Variants in ABAT observed in about 807,000 individuals in gnomAD.
ABAT encodes the protein 4-aminobutyrate aminotransferase, also known as 4-aminobutyrate aminotransferase, mitochondrial.
A neutral mutation model predicts 64.6 loss-of-function variants in ABAT; 45 were observed. That is an observed-to-expected ratio of 0.70 (90% confidence interval 0.55 to 0.89). The LOEUF is 0.89. Among genes scored for constraint, ABAT ranks in the 40% least tolerant of loss-of-function variants. The pLI is 0.00. For synonymous variants in ABAT, 297 were observed against 250.5 expected (o/e 1.19, Z -1.75); for missense variants, 633 against 658.4 (o/e 0.96, Z 0.42).
intron 1 of ABAT, among the ~76,000 whole-genome samples, chr16:8,724,775 G>T (rs1270583821): frequency 3.5e-5 from 5 of 142,948 alleles, no homozygotes; most frequent in African/African-American, 1.3e-4. Context: ...AAAAACAATG[G>T]CAATCTTGGG....
At chr16:8,760,961 C>T (rs2059778170) in intron 6 of ABAT, among the ~76,000 whole-genome samples, 1 of 152,108 alleles carries the variant, frequency 6.6e-6, no homozygotes, top group South Asian at 2.1e-4. Flanking sequence ...TACCTGTAGT[C>T]CCAGCTACTC....
At chr16:8,694,418 C>T (rs1273179116) in intron 1 of ABAT, among the ~76,000 whole-genome samples, 1 of 151,998 alleles carries the variant, frequency 6.6e-6, no homozygotes, top group Non-Finnish European at 1.5e-5. Flanking sequence ...GAGACAGGGT[C>T]TTGCTCTGTC....
At chr16:8,769,998 G>A (rs1293521403) in intron 11 of ABAT, among the ~76,000 whole-genome samples, 1 of 152,094 alleles carries the variant, frequency 6.6e-6, no homozygotes, top group African/African-American at 2.4e-5. Flanking sequence ...GAAAAGACAA[G>A]ATAATGGCAT....
chr16:8,776,982 G>A lies in ABAT; in HGVS notation c.1269+492G>A, dbSNP rs188876844. Among the ~76,000 whole-genome samples, 195 of 152,138 alleles carry A rather than the reference G, an allele frequency of 1.3e-3. 9 individuals are homozygous for A. In the South Asian group the frequency reaches 0.038, roughly 30 times the overall value. On this transcript the variant is annotated intron_variant, in intron 14 of 15. Coordinates refer to ENST00000268251, the MANE Select transcript of ABAT (RefSeq NM_020686.6). This position sits in a 1 kb window ranked among gnomAD's most constrained non-coding sequence, Gnocchi z 4.4. ...GGCGCAATCTCAGCTCACCGCAACC[G>A]CTGCCTCCTGGGTTCAGGAGATTCT...
intron 13 of ABAT, 22 bp downstream of exon 13, chr16:8,775,079 C>T: frequency 6.2e-7 from 1 of 1,614,172 alleles, no homozygotes; most frequent in Middle Eastern, 1.7e-4. Context: ...CCAACCTTCT[C>T]TCTACATCCA....
At chr16:8,741,320 C>T (rs980983300) in intron 2 of ABAT, among the ~76,000 whole-genome samples, 1 of 152,224 alleles carries the variant, frequency 6.6e-6, no homozygotes, top group African/African-American at 2.4e-5. Flanking sequence ...ATGTTTCATT[C>T]AAAGGCTAGC....
chr16:8,735,623 G>A, intron 1 of ABAT, 76 bp from the exon 2 acceptor site: 12 of 1,176,514 alleles, frequency 1.0e-5, no homozygotes, highest in Non-Finnish European at 1.5e-5. Context: ...TAGGTGGGAA[G>A]TGGTGGGGAT....
intron 1 of ABAT, among the ~76,000 whole-genome samples, chr16:8,695,222 G>A (rs1425337192): frequency 6.6e-6 from 1 of 152,204 alleles, no homozygotes; most frequent in Non-Finnish European, 1.5e-5. Flanking sequence ...AGAAAGTGCT[G>A]AGTCTACAAG....
intron 2 of ABAT, among the ~76,000 whole-genome samples, chr16:8,739,613 G>T (rs531760578): frequency 6.6e-6 from 1 of 152,246 alleles, no homozygotes; most frequent in Admixed American, 6.5e-5. Flanking sequence ...AGCTACTTGG[G>T]AGGCTGAGGC....
Position 8,689,976 on chromosome 16 carries a change from G to C in ABAT, c.-42+15265G>C, listed in dbSNP as rs2057543389. On this transcript the variant is annotated intron_variant, in intron 1 of 15. Coordinates refer to ENST00000268251, the MANE Select transcript of ABAT (RefSeq NM_020686.6). ...AACTATCCTAAGAACAATAACAAGA[G>C]TCACCTTGAATATTCCAGATTTAGG... 2.0e-5 allele frequency among the ~76,000 whole-genome samples: 3 copies of C among 152,182 alleles called. No individual in the cohort carries two copies. The South Asian group carries it at 6.2e-4, about 32-fold the overall frequency.
intron 1 of ABAT, among the ~76,000 whole-genome samples, chr16:8,688,967 C>G (rs1214021025): frequency 6.6e-6 from 1 of 151,842 alleles, no homozygotes; most frequent in African/African-American, 2.4e-5. Flanking sequence ...TTAGTCCCAG[C>G]TACTTGGGAG....
intron 1 of ABAT, 112 bp from the exon 2 acceptor site, chr16:8,735,587 G>C: frequency 1.1e-6 from 1 of 921,182 alleles, no homozygotes; most frequent in Non-Finnish European, 1.7e-6. Flanking sequence ...CCAAGCATTT[G>C]ACAATGTCAG....
At chr16:8,736,038 G>A (rs2058919455) in intron 2 of ABAT, 2 of 529,830 alleles carry the variant, frequency 3.8e-6, no homozygotes, top group South Asian at 4.1e-5. Context: ...ATATGGCTGG[G>A]GAGGCCTCAC....
chr16:8,757,196 G>A (rs766061355), intron 5 of ABAT: 12 of 439,476 alleles, frequency 2.7e-5, no homozygotes, highest in Non-Finnish European at 5.0e-5. Flanking sequence ...TTTAAATAGA[G>A]TCTCACTGTC....
intron 1 of ABAT, among the ~76,000 whole-genome samples, chr16:8,724,799 T>C (rs970870560): frequency 1.2e-4 from 17 of 145,754 alleles, no homozygotes; most frequent in Non-Finnish European, 2.2e-4. Flanking sequence ...ACACAGCCTG[T>C]AGCAGGTGGA....
chr16:8,700,341 T>C lies in ABAT; in HGVS notation c.-42+25630T>C, dbSNP rs368431137. ...CTGTAAGTTGATGAATAACTTAACA[T>C]AGCAAAGTGCACTAAACTTACATAC... On this transcript the variant is annotated intron_variant, in intron 1 of 15. Coordinates refer to ENST00000268251, the MANE Select transcript of ABAT (RefSeq NM_020686.6). 3.3e-5 allele frequency among the ~76,000 whole-genome samples: 5 copies of C among 152,308 alleles called. No homozygotes were observed. In the East Asian group the frequency reaches 5.8e-4, roughly 18 times the overall value.
In ABAT at chr16:8,735,798, T is replaced by C; in HGVS notation, c.59T>C (p.Leu20Pro). 6.2e-7 allele frequency: 1 copy of C among 1,604,556 alleles called. No homozygotes were observed. Among genetic ancestry groups the C allele is most frequent in the Non-Finnish European group, 8.5e-7 (1 of 1,175,794 alleles). ...TGCAGCTTCCAGCACAGCTACCGCC[T>C]GCTGGTGCCTGGTAAGCCCCGGGGG... is the stretch of plus-strand genomic sequence containing the variant. The part of the protein sequence containing the change: ...LACSFQHSYR[L>P]LVPGSRHISQ... Residue 20 changes from leucine to proline, a missense_variant, in exon 2 of 16, where the codon CTG (leucine) becomes CCG (proline). Leu to Pro is a moderately conservative substitution (Grantham distance 98, BLOSUM62 -3). Transcript: ENST00000268251.
At chr16:8,709,834 T>TTTG (rs1447840776) in intron 1 of ABAT, among the ~76,000 whole-genome samples, 16 of 151,554 alleles carry the variant, frequency 1.1e-4, no homozygotes, top group Non-Finnish European at 4.4e-5. Flanking sequence ...AACTTTTTTT[T>TTTG]TTTTTGAGAC....
In ABAT at chr16:8,784,295, G is replaced by C. The variant is rs1005717697; in HGVS notation, c.*2865G>C. ...GTGTTTTTTCATAATTTTTACTGAC[G>C]CTCAGTAACCATGCAAAATTGTGTA... On this transcript the variant is annotated 3_prime_UTR_variant, in exon 16 of 16. Coordinates refer to ENST00000268251, the MANE Select transcript of ABAT (RefSeq NM_020686.6). 6.6e-6 allele frequency: 1 copy of C among 152,442 alleles called. No individual in the cohort carries two copies. Among genetic ancestry groups the C allele is most frequent in the South Asian group, 2.1e-4 (1 of 4,810 alleles). The allele number at this position is 152,442 out of a possible 1,614,324, so 9.4% of individuals were successfully genotyped here. A position where few individuals can be genotyped will look rare whatever the true frequency, so the allele number is the denominator to read the frequency against.
Sources: allele counts gnomAD v4.1 joint callset (sites outside exome capture counted in the v4.1 genomes callset), GRCh38; gene constraint gnomAD v4.1.1; non-coding constraint Gnocchi (gnomAD v3.1); transcripts MANE v1.5; gene names NCBI Gene and HGNC (gene_info 2026-07-23, HGNC 2026-07-21).